The following CREB5 variants were observed in gnomAD, a reference collection of about 807,000 sequenced individuals.
The protein encoded by CREB5 is cyclic AMP-responsive element-binding protein 5.
A neutral mutation model predicts 57.1 loss-of-function variants in CREB5; 19 were observed. The observed-to-expected ratio is 0.33, with a 90% CI of 0.23 to 0.49. The LOEUF (loss-of-function observed/expected upper bound fraction) is 0.49. Among genes scored for constraint, CREB5 ranks in the 20% least tolerant of loss-of-function variants. The pLI is 0.99. For synonymous variants in CREB5, 238 were observed against 238.3 expected (o/e 1.00, Z 0.01); for missense variants, 579 against 671.6 (o/e 0.86, Z 1.52).
At chr7:28,682,795 G>T (rs997147203) in intron 5 of CREB5, among the ~76,000 whole-genome samples, 5 of 152,060 alleles carry the variant, frequency 3.3e-5, no homozygotes, top group African/African-American at 4.8e-5. Context: ...CACACAAAAG[G>T]TCTACTCTAG....
At chr7:28,574,450 G>A (rs771512436) in intron 5 of CREB5, among the ~76,000 whole-genome samples, 1 of 152,174 alleles carries the variant, frequency 6.6e-6, no homozygotes, top group Non-Finnish European at 1.5e-5. Flanking sequence ...ATTTTTGTAG[G>A]AGTCAATAAT....
intron 5 of CREB5, among the ~76,000 whole-genome samples, chr7:28,592,566 C>T (rs185163334): frequency 2.6e-5 from 4 of 152,258 alleles, no homozygotes; most frequent in African/African-American, 9.6e-5. Flanking sequence ...ACATCACCCC[C>T]ACGCAGCTGG....
intron 1 of CREB5, among the ~76,000 whole-genome samples, chr7:28,361,722 A>G (rs186924843): frequency 1.5e-3 from 223 of 152,190 alleles, no homozygotes; most frequent in African/African-American, 5.2e-3. Flanking sequence ...CATTCAATAC[A>G]TTTCCAGAGT....
intron 5 of CREB5, among the ~76,000 whole-genome samples, chr7:28,655,964 C>G (rs562051877): frequency 6.0e-5 from 9 of 150,970 alleles, no homozygotes; most frequent in African/African-American, 1.7e-4. Flanking sequence ...TAGAGCTGGA[C>G]AAAGAAAAGG....
chr7:28,436,637 A>C (rs552189728), intron 1 of CREB5, among the ~76,000 whole-genome samples: 1 of 152,164 alleles, frequency 6.6e-6, no homozygotes, highest in Non-Finnish European at 1.5e-5. Context: ...ATTAGATGCA[A>C]TTGTCATTTT....
chr7:28,607,600 C>T (rs1292111042), intron 5 of CREB5, among the ~76,000 whole-genome samples: 1 of 152,110 alleles, frequency 6.6e-6, no homozygotes, highest in Non-Finnish European at 1.5e-5. Context: ...GTACACAATG[C>T]TCAGTGGTTC....
chr7:28,333,679 A>G (rs1785757747), intron 1 of CREB5, among the ~76,000 whole-genome samples: 1 of 152,176 alleles, frequency 6.6e-6, no homozygotes, highest in African/African-American at 2.4e-5. Flanking sequence ...ATTTATCTTA[A>G]CATAATTCCC....
chr7:28,403,970 T>A (rs1039636656), intron 1 of CREB5, among the ~76,000 whole-genome samples: 2 of 152,230 alleles, frequency 1.3e-5, no homozygotes, highest in Admixed American at 6.5e-5. Flanking sequence ...TAGTTTTAAA[T>A]GTAAATATAA....
intron 1 of CREB5, among the ~76,000 whole-genome samples, chr7:28,474,496 G>A (rs1469294933): frequency 2.0e-5 from 3 of 152,158 alleles, no homozygotes; most frequent in African/African-American, 7.2e-5. Flanking sequence ...TTGGTGGTTT[G>A]CGAAGAAAGG....
intron 4 of CREB5, among the ~76,000 whole-genome samples, chr7:28,511,189 C>T (rs987993178): frequency 4.8e-5 from 7 of 144,650 alleles, no homozygotes; most frequent in African/African-American, 1.9e-4. Context: ...AGGGAAGGGG[C>T]ACAGGGCATG....
Position 28,821,507 on chromosome 7 carries a change from A to G in CREB5, c.*2228A>G, listed in dbSNP as rs1035240075. ...GAAAAGAGAAAAAAAGAAAAAATGC[A>G]AATGGAATAATTTTCTATTATATTT... is the stretch of plus-strand genomic sequence containing the variant. On this transcript the variant is annotated 3_prime_UTR_variant, in exon 11 of 11. Transcript: ENST00000357727. The G allele has an allele frequency of 8.6e-5, 13 of 152,000 alleles. No homozygotes were observed. The East Asian group carries it at 2.3e-3, about 27-fold the overall frequency. 9.4% of individuals were successfully genotyped at this position (152,000 alleles called of 1,614,324 possible). A position where few individuals can be genotyped will look rare whatever the true frequency, so the allele number is the denominator to read the frequency against.
chr7:28,691,534 T>C (rs1319138593), intron 5 of CREB5, among the ~76,000 whole-genome samples: 1 of 152,100 alleles, frequency 6.6e-6, no homozygotes, highest in African/African-American at 2.4e-5. Flanking sequence ...ACATATATTT[T>C]CTAGTGGTTA....
At chr7:28,370,272 A>G (rs962797218) in intron 1 of CREB5, among the ~76,000 whole-genome samples, 1 of 152,172 alleles carries the variant, frequency 6.6e-6, no homozygotes, top group Non-Finnish European at 1.5e-5. Context: ...CCAGGCCTCT[A>G]CCACTCACTG....
At chr7:28,338,710 T>C (rs922126624) in intron 1 of CREB5, among the ~76,000 whole-genome samples, 3 of 152,182 alleles carry the variant, frequency 2.0e-5, no homozygotes, top group African/African-American at 7.2e-5. Flanking sequence ...ATAAACTTTT[T>C]ACTCCTCTCT....
At chr7:28,646,614 A>C (rs987584929) in intron 5 of CREB5, among the ~76,000 whole-genome samples, 4 of 152,318 alleles carry the variant, frequency 2.6e-5, no homozygotes, top group African/African-American at 9.6e-5. Context: ...TGACAGCATT[A>C]ACCAAGGGTA....
chr7:28,554,778 C>A (rs1294829485), intron 4 of CREB5, among the ~76,000 whole-genome samples: 1 of 152,166 alleles, frequency 6.6e-6, no homozygotes, highest in Non-Finnish European at 1.5e-5. Flanking sequence ...TTTAAGTGAC[C>A]CTTTATTTGG....
At chr7:28,494,395 T>C (rs1791929591) in intron 2 of CREB5, among the ~76,000 whole-genome samples, 1 of 152,220 alleles carries the variant, frequency 6.6e-6, no homozygotes, top group Non-Finnish European at 1.5e-5. Context: ...ATATATGTTA[T>C]TTTAATACCT....
upstream of CREB5, chr7:28,410,681 A>C (rs1402449079): frequency 5.1e-6 from 2 of 393,654 alleles, no homozygotes. Context: ...AGTCTGCAGA[A>C]TGTGTTTGAT....
At chr7:28,502,216 T>C (rs1404342101) in intron 3 of CREB5, among the ~76,000 whole-genome samples, 4 of 152,176 alleles carry the variant, frequency 2.6e-5, no homozygotes, top group South Asian at 2.1e-4. Flanking sequence ...TAAAATTCCA[T>C]GGAATTCTGT....
Sources: gnomAD v4.1 joint callset for allele counts (sites outside exome capture counted in the v4.1 genomes callset) on GRCh38, gnomAD v4.1.1 for gene constraint, MANE v1.5 for transcripts, NCBI Gene and HGNC (gene_info 2026-07-23, HGNC 2026-07-21) for gene names.